The following LURAP1L variants were observed in gnomAD, a reference collection of about 807,000 sequenced individuals.
The protein encoded by LURAP1L is leucine rich adaptor protein 1-like.
LURAP1L carries 12 observed loss-of-function variants against 13.8 expected under a neutral mutation model. The ratio of observed to expected loss-of-function variants is 0.87; its 90% confidence interval spans 0.56 to 1.41. LURAP1L has a LOEUF of 1.41. Ranked by LOEUF, LURAP1L falls within the 40% of genes most tolerant of loss-of-function variation. The probability of loss-of-function intolerance (pLI) is 0.00; values close to 1 mark genes in which losing one functional copy is unlikely to be tolerated. For synonymous variants in LURAP1L, 139 were observed against 119.2 expected (o/e 1.17, Z -1.08); for missense variants, 375 against 292.9 (o/e 1.28, Z -2.04).
chr9:12,818,172 T>C (rs1031317101), intron 1 of LURAP1L, among the ~76,000 whole-genome samples: 17 of 151,898 alleles, frequency 1.1e-4, no homozygotes, highest in African/African-American at 3.1e-4. Context: ...AAATAAGTCA[T>C]TTCATGGTCA....
intron 1 of LURAP1L, among the ~76,000 whole-genome samples, chr9:12,782,082 TG>T (rs1464653180): frequency 6.6e-6 from 1 of 152,240 alleles, no homozygotes; most frequent in Non-Finnish European, 1.5e-5. Flanking sequence ...TCAGATCTTT[TG>T]TCTATTTTTT....
intron 1 of LURAP1L, among the ~76,000 whole-genome samples, chr9:12,820,426 T>A (rs1372161379): frequency 7.1e-6 from 1 of 140,104 alleles, no homozygotes. Context: ...TGGCGTGAAC[T>A]CAGGAGGCGG....
At chr9:12,800,015 A>C (rs900226068) in intron 1 of LURAP1L, among the ~76,000 whole-genome samples, 1 of 152,178 alleles carries the variant, frequency 6.6e-6, no homozygotes, top group South Asian at 2.1e-4. Flanking sequence ...CACATAGTTA[A>C]CTTTTACATT....
chr9:12,806,983 T>G, intron 1 of LURAP1L, among the ~76,000 whole-genome samples: 1 of 123,406 alleles, frequency 8.1e-6, no homozygotes, highest in East Asian at 2.6e-4. Flanking sequence ...ATCGCGCCAC[T>G]GCACTCCAGC....
chr9:12,781,851 C>T (rs1040895713), intron 1 of LURAP1L, among the ~76,000 whole-genome samples: 3 of 152,164 alleles, frequency 2.0e-5, no homozygotes, highest in African/African-American at 7.2e-5. Context: ...TCCATAGTGG[C>T]TATGCTAATG....
intron 1 of LURAP1L, among the ~76,000 whole-genome samples, chr9:12,811,181 C>G (rs73403693): frequency 0.095 from 14,509 of 152,122 alleles, 782 homozygotes; most frequent in South Asian, 0.19. Context: ...ATGAGGAATT[C>G]TGAAAAGCAA....
At position 12,822,948 on chromosome 9, in the gene LURAP1L, G is replaced by C. The variant is rs188270993; in HGVS notation, c.*1188G>C. ...ATCTTCCTTCTTATAACTGAGAAAT[G>C]TTTCACCCAAATTTCCTTTGTTATT... On this transcript the variant is annotated 3_prime_UTR_variant, in exon 2 of 2. Transcript: ENST00000319264. Among the ~76,000 whole-genome samples, 1 of 152,142 alleles carries C rather than the reference G, an allele frequency of 6.6e-6. No individual in the cohort carries two copies. Among genetic ancestry groups the C allele is most frequent in the Non-Finnish European group, 1.5e-5 (1 of 67,998 alleles).
chr9:12,800,873 C>T (rs1304480325), intron 1 of LURAP1L, among the ~76,000 whole-genome samples: 4 of 152,078 alleles, frequency 2.6e-5, no homozygotes, highest in African/African-American at 9.7e-5. Flanking sequence ...TGAGAACAGA[C>T]TAATACACTT....
intron 1 of LURAP1L, among the ~76,000 whole-genome samples, chr9:12,800,947 G>C (rs1036167169): frequency 2.0e-5 from 3 of 152,128 alleles, no homozygotes; most frequent in African/African-American, 7.2e-5. Context: ...GGATAATGTG[G>C]CGAGTTTTTT....
At chr9:12,809,896 G>T (rs536327380) in intron 1 of LURAP1L, among the ~76,000 whole-genome samples, 1 of 152,130 alleles carries the variant, frequency 6.6e-6, no homozygotes, top group African/African-American at 2.4e-5. Flanking sequence ...TCAGAGGCCT[G>T]CAGTTCTTTT....
At chr9:12,789,056 T>G (rs775185932) in intron 1 of LURAP1L, among the ~76,000 whole-genome samples, 1 of 147,160 alleles carries the variant, frequency 6.8e-6, no homozygotes, top group Non-Finnish European at 1.5e-5. Context: ...GCTGACAGAG[T>G]GAGAGTGAGA....
intron 1 of LURAP1L, chr9:12,777,373 C>A (rs747433792): frequency 2.6e-4 from 256 of 985,038 alleles, no homozygotes; most frequent in Non-Finnish European, 2.9e-4. Flanking sequence ...CGTGTGGAGA[C>A]TAACAGGTAA....
chr9:12,804,277 T>C (rs538004782), intron 1 of LURAP1L, among the ~76,000 whole-genome samples: 1 of 152,276 alleles, frequency 6.6e-6, no homozygotes, highest in South Asian at 2.1e-4. Context: ...CTATACCGTA[T>C]TGGCCCCATC....
Position 12,775,928 on chromosome 9 carries a change from C to T in LURAP1L, c.213C>T (p.Ser71=). The change falls in exon 1 of 2, where the codon TCC becomes TCT. Residue 71 remains serine, a synonymous_variant. Transcript: ENST00000319264. ...GCAGCTTCCCTCCCTCCTTGTCGTCCTCCTCTTCGTCCTCCCCAACCTCTG... is the reference window on the plus strand; with the variant it reads ...GCAGCTTCCCTCCCTCCTTGTCGTCTTCCTCTTCGTCCTCCCCAACCTCTG... ...SYCSFPPSLS[S]SSSSSPTSGS... 1 of 1,575,232 alleles carries T rather than the reference C, an allele frequency of 6.3e-7. No homozygotes were observed. Among genetic ancestry groups the T allele is most frequent in the Non-Finnish European group, 8.6e-7 (1 of 1,160,472 alleles).
chr9:12,787,348 G>GTA (rs1339732336), intron 1 of LURAP1L, among the ~76,000 whole-genome samples: 2 of 152,128 alleles, frequency 1.3e-5, no homozygotes, highest in African/African-American at 2.4e-5. Context: ...ATATGTATAT[G>GTA]TATATATATG....
At chr9:12,789,653 T>TAG (rs1329568221) in intron 1 of LURAP1L, among the ~76,000 whole-genome samples, 1 of 152,170 alleles carries the variant, frequency 6.6e-6, no homozygotes, top group Non-Finnish European at 1.5e-5. Context: ...AGGTCTATCA[T>TAG]AGGAAGGCAA....
intron 1 of LURAP1L, among the ~76,000 whole-genome samples, chr9:12,809,160 G>T (rs1819703518): frequency 6.6e-6 from 1 of 152,138 alleles, no homozygotes; most frequent in Non-Finnish European, 1.5e-5. Context: ...CATCCCTGAT[G>T]CATCTGCCCC....
At chr9:12,802,789 G>T (rs2118517021) in intron 1 of LURAP1L, among the ~76,000 whole-genome samples, 1 of 152,236 alleles carries the variant, frequency 6.6e-6, no homozygotes, top group East Asian at 1.9e-4. Flanking sequence ...CAATATTCCA[G>T]ATCCTCCATG....
At chr9:12,803,960 T>C (rs1278010545) in intron 1 of LURAP1L, among the ~76,000 whole-genome samples, 2 of 152,192 alleles carry the variant, frequency 1.3e-5, no homozygotes, top group African/African-American at 4.8e-5. Flanking sequence ...CTGAATTGCA[T>C]ACCATCTGAG....
Sources: gnomAD v4.1 joint callset for allele counts (sites outside exome capture counted in the v4.1 genomes callset) on GRCh38, gnomAD v4.1.1 for gene constraint, MANE v1.5 for transcripts, NCBI Gene and HGNC (gene_info 2026-07-23, HGNC 2026-07-21) for gene names.